Variants in LHFPL3 observed in about 807,000 individuals in gnomAD.
LHFPL3 encodes LHFPL tetraspan subfamily member 3 protein.
Under a neutral mutation model 19.3 loss-of-function variants are expected in LHFPL3, and 5 were observed. That is an observed-to-expected ratio of 0.26 (90% confidence interval 0.14 to 0.54). The LOEUF (loss-of-function observed/expected upper bound fraction) is 0.54. Among genes scored for constraint, LHFPL3 ranks in the 20% least tolerant of loss-of-function variants. LHFPL3 has a pLI of 0.94. For missense variants in LHFPL3, 249 were observed against 307.4 expected (o/e 0.81, Z 1.42); for synonymous variants, 133 against 126.2 (o/e 1.05, Z -0.36).
chr7:104,749,795 C>T (rs1160080419), intron 2 of LHFPL3, among the ~76,000 whole-genome samples: 1 of 152,154 alleles, frequency 6.6e-6, no homozygotes, highest in African/African-American at 2.4e-5. Flanking sequence ...TGGTAGTGGC[C>T]ACTGATTTAC....
At chr7:104,443,158 G>A (rs1792260220) in intron 1 of LHFPL3, among the ~76,000 whole-genome samples, 1 of 152,164 alleles carries the variant, frequency 6.6e-6, no homozygotes, top group African/African-American at 2.4e-5. Context: ...ACTTGAGATT[G>A]TATGGTCTTG....
At chr7:104,743,449 G>A (rs547361026) in intron 2 of LHFPL3, among the ~76,000 whole-genome samples, 8 of 152,274 alleles carry the variant, frequency 5.3e-5, no homozygotes, top group African/African-American at 1.9e-4. Flanking sequence ...TAACATCTTA[G>A]AGCCTGGGCT....
chr7:104,331,118 A>G (rs1243321041), intron 1 of LHFPL3, among the ~76,000 whole-genome samples: 1 of 152,240 alleles, frequency 6.6e-6, no homozygotes, highest in Non-Finnish European at 1.5e-5. Flanking sequence ...AGAAAGAAAT[A>G]CCAGCTTTGA....
At chr7:104,340,428 T>C (rs938136841) in intron 1 of LHFPL3, among the ~76,000 whole-genome samples, 1 of 152,188 alleles carries the variant, frequency 6.6e-6, no homozygotes, top group Admixed American at 6.5e-5. Flanking sequence ...CTTAGGATTA[T>C]TGAATTAATG....
intron 1 of LHFPL3, among the ~76,000 whole-genome samples, chr7:104,700,441 C>G (rs994253319): frequency 6.6e-6 from 1 of 152,204 alleles, no homozygotes; most frequent in Non-Finnish European, 1.5e-5. Context: ...CTCCTGATCC[C>G]ACCAGCATGA....
chr7:104,568,073 C>T (rs1038459768), intron 1 of LHFPL3, among the ~76,000 whole-genome samples: 2 of 152,194 alleles, frequency 1.3e-5, no homozygotes, highest in African/African-American at 4.8e-5. Context: ...TTACCCTCCT[C>T]TTCAGTTCCG....
chr7:104,479,590 C>T (rs1235124970), intron 1 of LHFPL3, among the ~76,000 whole-genome samples: 3 of 152,142 alleles, frequency 2.0e-5, no homozygotes, highest in African/African-American at 4.8e-5. Flanking sequence ...CGGCGTTTCA[C>T]CATGTTGGCC....
chr7:104,657,611 G>C (rs1792144015), intron 1 of LHFPL3, among the ~76,000 whole-genome samples: 1 of 152,180 alleles, frequency 6.6e-6, no homozygotes, highest in South Asian at 2.1e-4. Flanking sequence ...TAATTACTTT[G>C]CCAGATATGT....
chr7:104,488,104 G>T (rs146730178), intron 1 of LHFPL3, among the ~76,000 whole-genome samples: 5 of 152,012 alleles, frequency 3.3e-5, no homozygotes, highest in Non-Finnish European at 7.4e-5. Flanking sequence ...GACTCTTAAC[G>T]TCAGAAAATG....
At chr7:104,389,597 T>C (rs1387720431) in intron 1 of LHFPL3, among the ~76,000 whole-genome samples, 1 of 152,144 alleles carries the variant, frequency 6.6e-6, no homozygotes, top group Non-Finnish European at 1.5e-5. Flanking sequence ...AATTCACACT[T>C]CCCAATTGCA....
At chr7:104,768,274 A>G (rs1173596887) in intron 2 of LHFPL3, among the ~76,000 whole-genome samples, 1 of 152,064 alleles carries the variant, frequency 6.6e-6, no homozygotes, top group Non-Finnish European at 1.5e-5. Flanking sequence ...GGGCTGAGGG[A>G]GTCTGAGAAG....
chr7:104,619,700 G>C (rs1417739539), intron 1 of LHFPL3, among the ~76,000 whole-genome samples: 1 of 151,982 alleles, frequency 6.6e-6, no homozygotes, highest in East Asian at 1.9e-4. Context: ...TCTCGATGGG[G>C]GGAGAATAAC....
At position 104,878,219 on chromosome 7, in the gene LHFPL3, A is replaced by C. The variant is rs187347818; in HGVS notation, c.683-27968A>C. Among the ~76,000 whole-genome samples, 12 of 152,278 alleles carry C rather than the reference A, an allele frequency of 7.9e-5. No individual in the cohort carries two copies. The East Asian group carries it at 2.3e-3, about 29-fold the overall frequency. On this transcript the variant is annotated intron_variant, in intron 2 of 2. Transcript: ENST00000424859. ...TGGATAAACAAAATGTGGTACAGGC[A>C]CACCTCATATTTATTGCAGTTCACT...
intron 1 of LHFPL3, among the ~76,000 whole-genome samples, chr7:104,354,998 A>C (rs1436341934): frequency 6.6e-6 from 1 of 152,188 alleles, no homozygotes; most frequent in Non-Finnish European, 1.5e-5. Flanking sequence ...TTGGATGCTA[A>C]ATTTTCAGTG....
rs1274580113 is a variant in LHFPL3 at position 104,388,922 on chromosome 7, A to T, written c.445+59698A>T. ...CTATGAAAAGTCCACAGCTAGCATT[A>T]TCCTAATAGTGAAAGACAATACTTT... is the stretch of plus-strand genomic sequence containing the variant. On this transcript the variant is annotated intron_variant, in intron 1 of 2. Transcript: ENST00000424859. Among the ~76,000 whole-genome samples, 3 of 152,188 alleles carry T rather than the reference A, an allele frequency of 2.0e-5. No homozygotes were observed. In the East Asian group the frequency reaches 5.8e-4, roughly 29 times the overall value.
At chr7:104,457,341 T>C (rs1281175762) in intron 1 of LHFPL3, among the ~76,000 whole-genome samples, 1 of 147,320 alleles carries the variant, frequency 6.8e-6, no homozygotes, top group Non-Finnish European at 1.5e-5. Flanking sequence ...CGTTGTTCAA[T>C]TCCCACCTAT....
chr7:104,717,536 C>CCAT (rs1298724063), intron 1 of LHFPL3, among the ~76,000 whole-genome samples: 1 of 151,938 alleles, frequency 6.6e-6, no homozygotes, highest in South Asian at 2.1e-4. Flanking sequence ...TACAAGTGGC[C>CCAT]AATGGGTATA....
chr7:104,592,428 G>GCAGAACAGCAAATATTA (rs1790745098), intron 1 of LHFPL3, among the ~76,000 whole-genome samples: 1 of 151,008 alleles, frequency 6.6e-6, no homozygotes, highest in Non-Finnish European at 1.5e-5. Flanking sequence ...AGCGGAGGCT[G>GCAGAACAGCAAATATTA]CAGAACAGCA....
intron 1 of LHFPL3, among the ~76,000 whole-genome samples, chr7:104,617,672 C>G (rs1791372336): frequency 6.6e-6 from 1 of 152,194 alleles, no homozygotes; most frequent in Non-Finnish European, 1.5e-5. Flanking sequence ...TGCATACTTT[C>G]CCTTTCCATC....
Sources: allele counts gnomAD v4.1 joint callset (sites outside exome capture counted in the v4.1 genomes callset), GRCh38; gene constraint gnomAD v4.1.1; transcripts MANE v1.5; gene names NCBI Gene and HGNC (gene_info 2026-07-23, HGNC 2026-07-21).